Variants in KIAA0232 observed in about 807,000 individuals in gnomAD.
KIAA0232 encodes the protein uncharacterized protein KIAA0232.
In KIAA0232, 27 loss-of-function variants were observed where a neutral mutation model predicts 122.0. The ratio of observed to expected loss-of-function variants is 0.22; its 90% CI spans 0.16 to 0.31. The LOEUF is 0.31. KIAA0232 is among the 10% of genes least tolerant of loss of function. The pLI, the probability that KIAA0232 is intolerant of heterozygous loss-of-function variation, is 1.00. For synonymous variants in KIAA0232, 613 were observed against 587.6 expected (o/e 1.04, Z -0.63); for missense variants, 1,551 against 1,634.2 (o/e 0.95, Z 0.88).
At chr4:6,822,276 A>G (rs1718459396) in intron 2 of KIAA0232, among the ~76,000 whole-genome samples, 1 of 152,188 alleles carries the variant, frequency 6.6e-6, no homozygotes, top group Non-Finnish European at 1.5e-5. Context: ...TATAGTAGAG[A>G]GGATTTTAAA....
At chr4:6,794,217 A>G (rs898559877) in intron 1 of KIAA0232, among the ~76,000 whole-genome samples, 53 of 152,214 alleles carry the variant, frequency 3.5e-4, no homozygotes, top group African/African-American at 1.2e-3. Context: ...GTCTTGACCA[A>G]GCTGATGGGG....
rs145377737 is a variant in KIAA0232, at chr4:6,829,163, G to C, written c.231+4479G>C. On this transcript the variant is annotated intron_variant, in intron 3 of 9. Coordinates refer to ENST00000307659, the MANE Select transcript of KIAA0232 (RefSeq NM_014743.3). ...ATTTGGGTTTTTCGGATATTTCCTC[G>C]TATCTTTAGAGTTGGCTTGTGCATT... 1.6e-3 allele frequency among the ~76,000 whole-genome samples: 240 copies of C among 152,010 alleles called. 1 individual carries two copies. The highest frequency in any genetic ancestry group is 5.5e-3 in the African/African-American group (230 of 41,446).
chr4:6,877,920 CAT>C (rs1405227475), intron 9 of KIAA0232, among the ~76,000 whole-genome samples: 2 of 152,188 alleles, frequency 1.3e-5, no homozygotes, highest in African/African-American at 4.8e-5. Flanking sequence ...AACCCATACA[CAT>C]CTCCTGAAAT....
At chr4:6,866,615 C>T (rs1189177233) in intron 7 of KIAA0232, among the ~76,000 whole-genome samples, 2 of 152,180 alleles carry the variant, frequency 1.3e-5, no homozygotes, top group Non-Finnish European at 2.9e-5. Flanking sequence ...AGGAAGCAAT[C>T]TGGGAGGCCT....
At chr4:6,833,522 C>T (rs1253509360) in intron 3 of KIAA0232, among the ~76,000 whole-genome samples, 4 of 151,852 alleles carry the variant, frequency 2.6e-5, no homozygotes, top group African/African-American at 4.8e-5. Flanking sequence ...CTCAGCTGCT[C>T]GGGAGGCTGA....
rs780888869 is a variant in KIAA0232 at position 6,864,091 on chromosome 4, G to A, written c.3709G>A (p.Glu1237Lys). The change falls in exon 7 of 10, where the codon GAG (glutamate) becomes AAG (lysine). Residue 1237 changes from glutamate (E) to lysine (K), a missense_variant. This residue lies in a region of KIAA0232 where 1,108 missense variants were observed against 1,154.8 expected (regional missense o/e 0.96). Coordinates refer to ENST00000307659, the MANE Select transcript of KIAA0232 (RefSeq NM_014743.3). Reference protein sequence around the residue: ...EANCKIMAQCEEEINNFCGCK... With the variant: ...EANCKIMAQCKEEINNFCGCK... ...AAATTGTAAAATAATGGCACAATGC[G>A]AGGAAGAAATTAATAATTTTTGTGG... is the stretch of plus-strand genomic sequence containing the variant. 2.1e-5 allele frequency: 34 copies of A among 1,614,014 alleles called. No homozygotes were observed. Among genetic ancestry groups the A allele is most frequent in the South Asian group, 8.8e-5 (8 of 91,072 alleles).
At chr4:6,810,530 GT>G (rs570238390) in intron 2 of KIAA0232, among the ~76,000 whole-genome samples, 163 of 152,268 alleles carry the variant, frequency 1.1e-3, no homozygotes, top group African/African-American at 3.6e-3. Flanking sequence ...CAAAGAATCA[GT>G]GACTAAGACC....
chr4:6,873,836 C>T (rs952621798), intron 8 of KIAA0232, among the ~76,000 whole-genome samples: 1 of 152,198 alleles, frequency 6.6e-6, no homozygotes, highest in Non-Finnish European at 1.5e-5. Flanking sequence ...CCTGTAGCAT[C>T]ATGAAGCATC....
chr4:6,831,333 C>T (rs924631555), intron 3 of KIAA0232, among the ~76,000 whole-genome samples: 7 of 152,208 alleles, frequency 4.6e-5, no homozygotes, highest in African/African-American at 2.4e-5. Context: ...GGATTACAGG[C>T]GTGAGCCACC....
intron 1 of KIAA0232, among the ~76,000 whole-genome samples, chr4:6,801,512 G>A (rs1449563559): frequency 6.6e-6 from 1 of 151,392 alleles, no homozygotes; most frequent in Non-Finnish European, 1.5e-5. Flanking sequence ...AATGTAGTGC[G>A]ACCCTATCTC....
intron 4 of KIAA0232, among the ~76,000 whole-genome samples, chr4:6,849,905 A>C (rs1471833924): frequency 6.6e-6 from 1 of 152,230 alleles, no homozygotes; most frequent in African/African-American, 2.4e-5. Context: ...CAGGCAGCTG[A>C]ATAAACTGAA....
At chr4:6,827,056 T>C (rs1479187836) in intron 3 of KIAA0232, among the ~76,000 whole-genome samples, 1 of 152,182 alleles carries the variant, frequency 6.6e-6, no homozygotes, top group East Asian at 1.9e-4. Flanking sequence ...AAACATAACA[T>C]GTCTGGAGTT....
chr4:6,876,788 A>G lies in KIAA0232; in HGVS notation c.4008+31A>G, dbSNP rs1444136388. ...TGGACTGTCCTCCTCCTCGTCATTA[A>G]CTTACAAACAGCCACCACCTCCAGT... On this transcript the variant is annotated intron_variant, in intron 9 of 9. Transcript: ENST00000307659. 2.8e-6 allele frequency: 4 copies of G among 1,453,854 alleles called. No individual in the cohort carries two copies. In the African/African-American group the frequency reaches 5.6e-5, roughly 20 times the overall value. 90.1% of individuals were successfully genotyped at this position (1,453,854 alleles called of 1,614,324 possible). A position where few individuals can be genotyped will look rare whatever the true frequency, so the allele number is the denominator to read the frequency against.
intron 1 of KIAA0232, among the ~76,000 whole-genome samples, chr4:6,795,723 G>C (rs1717104335): frequency 6.6e-6 from 1 of 152,174 alleles, no homozygotes; most frequent in Non-Finnish European, 1.5e-5. Flanking sequence ...CTCCTGAGTA[G>C]CTGGGACTAT....
chr4:6,878,269 G>A (rs1257945607), intron 9 of KIAA0232, among the ~76,000 whole-genome samples: 1 of 152,132 alleles, frequency 6.6e-6, no homozygotes, highest in East Asian at 1.9e-4. Context: ...CAGCTACTTG[G>A]GAGGCTGAAG....
Position 6,861,350 on chromosome 4 carries a change from GA to G in KIAA0232, c.971del (p.Asn324ThrfsTer13). ...VKVRHKAREI[R>X]NKKGRNGQSR... The stretch of plus-strand genomic sequence containing the variant: ...GTAAGACACAAGGCACGAGAGATTC[GA>G]AACAAAAAAGGGCGGAATGGGCAAA... On this transcript the variant is annotated frameshift_variant, in exon 7 of 10. Transcript: ENST00000307659. LOFTEE classifies it high-confidence loss of function. 1 of 1,614,046 alleles carries G rather than the reference GA, an allele frequency of 6.2e-7. No homozygotes were observed. The highest frequency in any genetic ancestry group is 8.5e-7 in the Non-Finnish European group (1 of 1,180,006).
In KIAA0232 at chr4:6,826,489, C is replaced by A. The variant is rs1391214310; in HGVS notation, c.231+1805C>A. ...TTATGTACTTTATTGTAAGCATGTA[C>A]TCATAGGGAATGATTTTTTTTTTTT... On this transcript the variant is annotated intron_variant, in intron 3 of 9. Transcript: ENST00000307659. Among the ~76,000 whole-genome samples the A allele has an allele frequency of 2.6e-5, 4 of 150,962 alleles. No individual in the cohort carries two copies. The East Asian group carries it at 7.8e-4, about 29-fold the overall frequency.
chr4:6,810,106 G>A (rs183597868), intron 2 of KIAA0232, among the ~76,000 whole-genome samples: 1 of 152,194 alleles, frequency 6.6e-6, no homozygotes, highest in East Asian at 1.9e-4. Context: ...TCAAAAAAGA[G>A]CCCTAATAGC....
intron 4 of KIAA0232, among the ~76,000 whole-genome samples, chr4:6,848,984 C>T (rs1235069981): frequency 2.6e-5 from 4 of 152,186 alleles, no homozygotes; most frequent in Non-Finnish European, 5.9e-5. Flanking sequence ...TTTGAGGACA[C>T]ACGGGCCATG....
Sources: gnomAD v4.1 joint callset for allele counts (sites outside exome capture counted in the v4.1 genomes callset) on GRCh38, gnomAD v4.1.1 for gene constraint, gnomAD v4.1.1 regional missense constraint, MANE v1.5 for transcripts, NCBI Gene and HGNC (gene_info 2026-07-23, HGNC 2026-07-21) for gene names.